The following GMDS variants were observed in gnomAD, a reference collection of about 807,000 sequenced individuals.
GMDS encodes GDP-mannose 4,6-dehydratase, also known as GDP-mannose 4,6 dehydratase.
GMDS carries 20 observed loss-of-function variants against 49.9 expected under a neutral mutation model. The ratio of observed to expected loss-of-function variants is 0.40; its 90% confidence interval spans 0.28 to 0.58. The LOEUF (loss-of-function observed/expected upper bound fraction) is 0.58. GMDS is among the 20% of genes least tolerant of loss of function. The probability of loss-of-function intolerance (pLI) is 0.42; values close to 1 mark genes in which losing one functional copy is unlikely to be tolerated. For missense variants in GMDS, 362 were observed against 481.4 expected (o/e 0.75, Z 2.32); for synonymous variants, 177 against 178.6 (o/e 0.99, Z 0.07).
chr6:1,638,426 G>T (rs942244654), intron 9 of GMDS, among the ~76,000 whole-genome samples: 2 of 152,106 alleles, frequency 1.3e-5, no homozygotes, highest in African/African-American at 4.8e-5. Context: ...GTGCCAGCAG[G>T]ATGGCCATGA....
chr6:2,003,610 C>CT, intron 4 of GMDS, among the ~76,000 whole-genome samples: 1 of 152,144 alleles, frequency 6.6e-6, no homozygotes, highest in Admixed American at 6.5e-5. Flanking sequence ...TGCACAGGAC[C>CT]TACCAATTTC....
intron 9 of GMDS, among the ~76,000 whole-genome samples, chr6:1,687,988 C>T (rs1190089349): frequency 2.0e-5 from 3 of 152,050 alleles, no homozygotes; most frequent in African/African-American, 4.8e-5. Context: ...GTCTCACTTA[C>T]GTAAAAAGTG....
At chr6:2,187,730 T>C (rs1778841459) in intron 1 of GMDS, among the ~76,000 whole-genome samples, 1 of 152,184 alleles carries the variant, frequency 6.6e-6, no homozygotes, top group Non-Finnish European at 1.5e-5. Flanking sequence ...TGCCTTTCTT[T>C]TACTGCAACA....
At chr6:1,864,524 A>G (rs1482867531) in intron 7 of GMDS, among the ~76,000 whole-genome samples, 1 of 152,184 alleles carries the variant, frequency 6.6e-6, no homozygotes, top group Admixed American at 6.5e-5. Context: ...TCTGCAGTGG[A>G]TGCTAGAATA....
chr6:2,165,770 G>C (rs931383033), intron 1 of GMDS, among the ~76,000 whole-genome samples: 1 of 152,088 alleles, frequency 6.6e-6, no homozygotes, highest in Admixed American at 6.6e-5. Flanking sequence ...AAAATATATA[G>C]AGTTGAGACA....
intron 7 of GMDS, among the ~76,000 whole-genome samples, chr6:1,929,294 A>G (rs903208877): frequency 6.6e-6 from 1 of 152,216 alleles, no homozygotes. Context: ...GAAATCTGTG[A>G]GCACTTGAAC....
chr6:2,165,036 T>C (rs1777593776), intron 1 of GMDS, among the ~76,000 whole-genome samples: 1 of 152,208 alleles, frequency 6.6e-6, no homozygotes, highest in African/African-American at 2.4e-5. Flanking sequence ...GATCATGCCA[T>C]GGCCTATCAG....
intron 9 of GMDS, among the ~76,000 whole-genome samples, chr6:1,714,013 C>T (rs1371829199): frequency 1.3e-5 from 2 of 152,212 alleles, no homozygotes; most frequent in African/African-American, 4.8e-5. Flanking sequence ...TCTATAAGCC[C>T]AACACTTTTT....
chr6:1,925,710 C>T (rs142189162), intron 7 of GMDS, among the ~76,000 whole-genome samples: 12 of 152,098 alleles, frequency 7.9e-5, no homozygotes, highest in African/African-American at 1.2e-4. Flanking sequence ...GGTTGTGATA[C>T]GGAAGAGGGG....
rs114693188 is a variant in GMDS, at chr6:1,790,742, G to A, written c.772-48156C>T. Among the ~76,000 whole-genome samples the A allele has an allele frequency of 4.2e-3, 633 of 152,258 alleles. 2 individuals are homozygous for A. The highest frequency in any genetic ancestry group is 0.015 in the African/African-American group (610 of 41,538). ...TGTACCGAGGAATATGTGGTCTTCA[G>A]TGAATGCCAGTTCATTGACAACAAT... is the stretch of plus-strand genomic sequence containing the variant. On this transcript the variant is annotated intron_variant, in intron 7 of 10. Transcript: ENST00000380815.
intron 1 of GMDS, among the ~76,000 whole-genome samples, chr6:2,141,865 G>GCTCTCTCTCTCTCTCT (rs67628075): frequency 2.1e-5 from 3 of 145,592 alleles, no homozygotes; most frequent in Non-Finnish European, 4.5e-5. Flanking sequence ...GGTTGTGCGT[G>GCTCTCTCTCTCTCTCT]CTCTCTCTCT....
intron 4 of GMDS, 55 bp downstream of exon 4, chr6:2,115,716 A>G (rs1381195854): frequency 5.5e-6 from 5 of 910,494 alleles, no homozygotes; most frequent in Non-Finnish European, 5.6e-6. Flanking sequence ...AGACACAAGT[A>G]AAATACAGAA....
At chr6:2,069,498 A>C (rs1771843708) in intron 4 of GMDS, among the ~76,000 whole-genome samples, 1 of 151,940 alleles carries the variant, frequency 6.6e-6, no homozygotes, top group African/African-American at 2.4e-5. Flanking sequence ...GAATGGGAGA[A>C]AATTTTCGCA....
intron 7 of GMDS, among the ~76,000 whole-genome samples, chr6:1,760,039 CTG>C (rs1768099714): frequency 6.6e-6 from 1 of 152,156 alleles, no homozygotes; most frequent in Non-Finnish European, 1.5e-5. Flanking sequence ...AGGCGTGAGA[CTG>C]TCACCGGGGC....
intron 9 of GMDS, among the ~76,000 whole-genome samples, chr6:1,666,211 G>A (rs946929499): frequency 6.6e-6 from 1 of 152,196 alleles, no homozygotes; most frequent in Non-Finnish European, 1.5e-5. Flanking sequence ...GTCGCTCTGA[G>A]ATCCTAGAGA....
chr6:1,754,532 G>T (rs745600537), intron 7 of GMDS, among the ~76,000 whole-genome samples: 3 of 152,118 alleles, frequency 2.0e-5, no homozygotes, highest in Non-Finnish European at 4.4e-5. Context: ...CATTTTATGA[G>T]GCCAGCATCA....
intron 7 of GMDS, among the ~76,000 whole-genome samples, chr6:1,856,137 T>C (rs1351559400): frequency 2.6e-5 from 4 of 152,220 alleles, no homozygotes; most frequent in African/African-American, 9.6e-5. Flanking sequence ...AGTTTTGTAT[T>C]TTGGAATTAT....
chr6:1,685,833 C>T (rs892594435), intron 9 of GMDS, among the ~76,000 whole-genome samples: 2 of 152,140 alleles, frequency 1.3e-5, no homozygotes, highest in South Asian at 4.1e-4. Flanking sequence ...CAGCATTTCT[C>T]TGCTTCACTA....
chr6:1,972,443 C>G (rs1764676732), intron 4 of GMDS, among the ~76,000 whole-genome samples: 1 of 151,892 alleles, frequency 6.6e-6, no homozygotes, highest in African/African-American at 2.4e-5. Context: ...CTATCCGGGT[C>G]TTTTCTAGAG....
Sources: allele counts gnomAD v4.1 joint callset (sites outside exome capture counted in the v4.1 genomes callset), GRCh38; gene constraint gnomAD v4.1.1; transcripts MANE v1.5; gene names NCBI Gene and HGNC (gene_info 2026-07-23, HGNC 2026-07-21).